CD247: variants seen among roughly 807,000 people sequenced by gnomAD.
CD247 encodes T-cell surface glycoprotein CD3 zeta chain.
A neutral mutation model predicts 30.0 loss-of-function variants in CD247; 13 were observed. The ratio of observed to expected loss-of-function variants is 0.43; its 90% CI spans 0.28 to 0.69. The LOEUF is 0.69. Among genes scored for constraint, CD247 ranks in the 30% least tolerant of loss-of-function variants. CD247 has a pLI of 0.16. For synonymous variants in CD247, 72 were observed against 80.0 expected (o/e 0.90, Z 0.53); for missense variants, 193 against 212.6 (o/e 0.91, Z 0.57).
At chr1:167,513,910 C>T (rs1655494078) in intron 1 of CD247, among the ~76,000 whole-genome samples, 1 of 152,160 alleles carries the variant, frequency 6.6e-6, no homozygotes, top group Admixed American at 6.5e-5. Context: ...TCAAATAATT[C>T]TAATCACTCA....
intron 1 of CD247, among the ~76,000 whole-genome samples, chr1:167,465,297 G>C (rs1369396076): frequency 1.3e-5 from 2 of 149,050 alleles, no homozygotes; most frequent in Admixed American, 6.7e-5. Context: ...ACTCATAGAT[G>C]CCTTCCACCT....
At chr1:167,510,949 G>C (rs149021337) in intron 1 of CD247, among the ~76,000 whole-genome samples, 1 of 152,132 alleles carries the variant, frequency 6.6e-6, no homozygotes, top group Non-Finnish European at 1.5e-5. Flanking sequence ...AAGAGTCTCA[G>C]ATATTCACAT....
intron 1 of CD247, among the ~76,000 whole-genome samples, chr1:167,451,022 C>T (rs894974006): frequency 3.3e-5 from 5 of 151,850 alleles, no homozygotes; most frequent in African/African-American, 4.8e-5. Context: ...GTGGTCAGAG[C>T]GGGCTTCAGC....
chr1:167,503,046 G>A (rs1288219728), intron 1 of CD247, among the ~76,000 whole-genome samples: 1 of 152,214 alleles, frequency 6.6e-6, no homozygotes, highest in Non-Finnish European at 1.5e-5. Flanking sequence ...TGAGGCAGGT[G>A]AAGGAAGGAA....
At chr1:167,481,037 A>G (rs928447946) in intron 1 of CD247, among the ~76,000 whole-genome samples, 1 of 152,260 alleles carries the variant, frequency 6.6e-6, no homozygotes, top group African/African-American at 2.4e-5. Flanking sequence ...CTGTAATCCC[A>G]GCACTTTGGG....
intron 2 of CD247, chr1:167,440,217 G>C (rs369814429): frequency 4.2e-6 from 1 of 239,976 alleles, no homozygotes; most frequent in African/African-American, 2.2e-5. Context: ...CCAGCCCCAC[G>C]AAGAAATCCA....
At chr1:167,445,525 T>C (rs890723020) in intron 1 of CD247, among the ~76,000 whole-genome samples, 2 of 115,048 alleles carry the variant, frequency 1.7e-5, no homozygotes, top group Admixed American at 1.0e-4. Flanking sequence ...GCCATCCCTT[T>C]GTAGCCTTTT....
At chr1:167,493,225 T>G (rs1228266069) in intron 1 of CD247, among the ~76,000 whole-genome samples, 1 of 151,858 alleles carries the variant, frequency 6.6e-6, no homozygotes, top group Non-Finnish European at 1.5e-5. Flanking sequence ...GCATTTTTAG[T>G]AGAGACAGGG....
intron 1 of CD247, among the ~76,000 whole-genome samples, chr1:167,502,860 C>T (rs1654969279): frequency 6.6e-6 from 1 of 152,122 alleles, no homozygotes; most frequent in Admixed American, 6.6e-5. Flanking sequence ...TGGGGAGAGG[C>T]TTGGGACAGA....
intron 1 of CD247, among the ~76,000 whole-genome samples, chr1:167,474,211 G>T (rs1653653756): frequency 6.6e-6 from 1 of 152,094 alleles, no homozygotes; most frequent in South Asian, 2.1e-4. Context: ...TGAGTCTGGG[G>T]GTGGGGCTGG....
At chr1:167,473,022 C>CG (rs1653595023) in intron 1 of CD247, among the ~76,000 whole-genome samples, 1 of 152,100 alleles carries the variant, frequency 6.6e-6, no homozygotes, top group Admixed American at 6.6e-5. Flanking sequence ...CTCCAGCCCA[C>CG]ACAAGTATTC....
chr1:167,456,258 CA>C (rs958079738), intron 1 of CD247, among the ~76,000 whole-genome samples: 12 of 152,148 alleles, frequency 7.9e-5, no homozygotes, highest in African/African-American at 2.2e-4. Context: ...TACATGCCGG[CA>C]CTGCCTGTGC....
chr1:167,507,357 C>A (rs1655187736), intron 1 of CD247, among the ~76,000 whole-genome samples: 1 of 152,010 alleles, frequency 6.6e-6, no homozygotes, highest in African/African-American at 2.4e-5. Context: ...CCAGGTGAAC[C>A]AGGCCTCTTT....
rs544521475 is a variant in CD247 at position 167,435,841 on chromosome 1, G to C, written c.301-407C>G. Among the ~76,000 whole-genome samples, 14 of 152,356 alleles carry C rather than the reference G, an allele frequency of 9.2e-5. No homozygotes were observed. In the East Asian group the frequency reaches 2.7e-3, roughly 29 times the overall value. ...AAGGTGCCCTCCCCACACCCTCCTA[G>C]TCCTGACAAGAGGAGAGGAGGCAAG... On this transcript the variant is annotated intron_variant, in intron 4 of 7. Transcript: ENST00000362089.
At chr1:167,444,461 T>C (rs1651977404) in intron 1 of CD247, among the ~76,000 whole-genome samples, 1 of 152,138 alleles carries the variant, frequency 6.6e-6, no homozygotes, top group Admixed American at 6.5e-5. Context: ...TCTGTAAAAG[T>C]GGAGAAGCTG....
chr1:167,435,553 T>A, intron 4 of CD247, 119 bp from the exon 5 acceptor site: 1 of 823,526 alleles, frequency 1.2e-6, no homozygotes, highest in Non-Finnish European at 2.1e-6. Context: ...CGTCTGCCTC[T>A]CTCCTCCCTG....
Position 167,509,761 on chromosome 1 carries a change from G to A in CD247, c.58+8647C>T, listed in dbSNP as rs138175517. On this transcript the variant is annotated intron_variant, in intron 1 of 7. Coordinates refer to ENST00000362089, the MANE Select transcript of CD247 (RefSeq NM_198053.3). Reference sequence around the variant, plus strand: ...AACGCTGGTAACAATGTCAACAGTGGGTCTGGGAGATCCCCATACATCTGG... The same window carrying A: ...AACGCTGGTAACAATGTCAACAGTGAGTCTGGGAGATCCCCATACATCTGG... 7.9e-5 allele frequency among the ~76,000 whole-genome samples: 12 copies of A among 152,274 alleles called. No homozygotes were observed. The East Asian group carries it at 2.1e-3, about 27-fold the overall frequency.
intron 1 of CD247, among the ~76,000 whole-genome samples, chr1:167,462,462 C>A (rs571110925): frequency 6.6e-6 from 1 of 152,310 alleles, no homozygotes; most frequent in African/African-American, 2.4e-5. Context: ...AAGTCACAAC[C>A]CAGGTTGGGG....
rs558665079 is a variant in CD247 at position 167,499,903 on chromosome 1, G to T, written c.58+18505C>A. On this transcript the variant is annotated intron_variant, in intron 1 of 7. Transcript: ENST00000362089. The stretch of plus-strand genomic sequence containing the variant: ...CACATCCCCGAGGGCTGTGGATTTT[G>T]CATACAGTAATTTACATAAAAGCAC... Among the ~76,000 whole-genome samples, 273 of 152,278 alleles carry T rather than the reference G, an allele frequency of 1.8e-3. 1 individual carries two copies. Among genetic ancestry groups the T allele is most frequent in the African/African-American group, 6.2e-3 (259 of 41,542 alleles).
Sources: allele counts gnomAD v4.1 joint callset (sites outside exome capture counted in the v4.1 genomes callset), GRCh38; gene constraint gnomAD v4.1.1; transcripts MANE v1.5; gene names NCBI Gene and HGNC (gene_info 2026-07-23, HGNC 2026-07-21).